ATXN1: variants seen among roughly 807,000 people sequenced by gnomAD.
The protein encoded by ATXN1 is ataxin 1.
ATXN1 carries 8 observed loss-of-function variants against 56.4 expected under a neutral mutation model. The observed-to-expected ratio is 0.14, with a 90% CI of 0.08 to 0.26. ATXN1 has a LOEUF of 0.26. Among genes scored for constraint, ATXN1 ranks in the 10% least tolerant of loss-of-function variants. The pLI, the probability that ATXN1 is intolerant of heterozygous loss-of-function variation, is 1.00. For missense variants in ATXN1, 987 were observed against 1,106.5 expected, an observed-to-expected ratio of 0.89 and a Z score of 1.53; for synonymous variants, 514 against 494.6, an observed-to-expected ratio of 1.04 and a Z score of -0.52.
intron 2 of ATXN1, among the ~76,000 whole-genome samples, chr6:16,722,542 C>T (rs1759765696): frequency 1.3e-5 from 2 of 152,290 alleles, no homozygotes; most frequent in Admixed American, 6.5e-5. Context: ...TGATTCCATA[C>T]ACTGAACCAT....
intron 4 of ATXN1, among the ~76,000 whole-genome samples, chr6:16,578,707 C>T (rs1276412325): frequency 1.3e-5 from 2 of 151,930 alleles, no homozygotes; most frequent in Non-Finnish European, 2.9e-5. Flanking sequence ...CATTTATGTG[C>T]CAGCACAGCC....
At chr6:16,492,484 G>A (rs1161556945) in intron 5 of ATXN1, among the ~76,000 whole-genome samples, 1 of 150,266 alleles carries the variant, frequency 6.7e-6, no homozygotes, top group African/African-American at 2.4e-5. Flanking sequence ...ATAAATAGGT[G>A]TTGTTTAAGT....
rs574404852 is a variant in ATXN1, at chr6:16,348,086, G to A, written c.-160-19616C>T. Among the ~76,000 whole-genome samples, 5 of 152,270 alleles carry A rather than the reference G, an allele frequency of 3.3e-5. No homozygotes were observed. In the East Asian group the frequency reaches 5.8e-4, roughly 18 times the overall value. ...CGCAAGGGTCCACGGCTTAATTCTT[G>A]AAGTCAGTGAGACCAAGAACGCACC... is the stretch of plus-strand genomic sequence containing the variant. On this transcript the variant is annotated intron_variant, in intron 6 of 7. Transcript: ENST00000436367.
chr6:16,680,196 T>C (rs1758785576), intron 2 of ATXN1, among the ~76,000 whole-genome samples: 1 of 152,188 alleles, frequency 6.6e-6, no homozygotes, highest in Non-Finnish European at 1.5e-5. Flanking sequence ...CCTGCCTCTT[T>C]GCTCTGTACT....
intron 6 of ATXN1, among the ~76,000 whole-genome samples, chr6:16,455,166 G>T (rs1759839533): frequency 6.6e-6 from 1 of 152,180 alleles, no homozygotes; most frequent in South Asian, 2.1e-4. Context: ...CAGGTAGTAA[G>T]ACTCATCTTG....
intron 6 of ATXN1, among the ~76,000 whole-genome samples, chr6:16,466,132 C>T (rs562190702): frequency 4.6e-5 from 7 of 151,838 alleles, no homozygotes; most frequent in Non-Finnish European, 7.4e-5. Context: ...CTGGCTAACA[C>T]AGTGAAACCC....
intron 4 of ATXN1, among the ~76,000 whole-genome samples, chr6:16,543,831 C>A (rs928581078): frequency 2.0e-5 from 3 of 152,100 alleles, no homozygotes; most frequent in Admixed American, 1.3e-4. Flanking sequence ...ACTAAAGATG[C>A]TATTTGTTGG....
intron 6 of ATXN1, among the ~76,000 whole-genome samples, chr6:16,386,420 A>C (rs1758241712): frequency 6.6e-6 from 1 of 152,252 alleles, no homozygotes; most frequent in South Asian, 2.1e-4. Flanking sequence ...GCAAAGGCAC[A>C]AGATTGTAAG....
intron 4 of ATXN1, among the ~76,000 whole-genome samples, chr6:16,543,744 G>T (rs1310305463): frequency 6.6e-6 from 1 of 150,958 alleles, no homozygotes; most frequent in African/African-American, 2.4e-5. Context: ...CTTCATGCTT[G>T]AGTTAAAGGC....
At chr6:16,352,948 T>C (rs1334706708) in intron 6 of ATXN1, among the ~76,000 whole-genome samples, 1 of 152,050 alleles carries the variant, frequency 6.6e-6, no homozygotes, top group Non-Finnish European at 1.5e-5. Context: ...AGCACTTCCA[T>C]CCCACCACAG....
At chr6:16,405,648 C>T (rs558635401) in intron 6 of ATXN1, among the ~76,000 whole-genome samples, 15 of 152,268 alleles carry the variant, frequency 9.9e-5, no homozygotes, top group South Asian at 6.2e-4. Context: ...CTCTGGCGGC[C>T]GAAGCATCCA....
chr6:16,354,774 G>A (rs1047760442), intron 6 of ATXN1, among the ~76,000 whole-genome samples: 2 of 152,112 alleles, frequency 1.3e-5, no homozygotes, highest in South Asian at 4.2e-4. Context: ...ATCCTCTCTG[G>A]GTTGTTCTTC....
rs1361617559 is a variant in ATXN1, at chr6:16,411,116, C to A, written c.-161+74856G>T. 4.1e-5 allele frequency among the ~76,000 whole-genome samples: 5 copies of A among 122,572 alleles called. No individual in the cohort carries two copies. The South Asian group carries it at 1.0e-3, about 25-fold the overall frequency. The allele number at this position is 122,572 out of a possible 152,430, so 80.4% of individuals were successfully genotyped here. On this transcript the variant is annotated intron_variant, in intron 6 of 7. Transcript: ENST00000436367. ...CTCCAGCCTGGGTGACAGAGTGAGA[C>A]CTCTGTGTCAAAAAAAAAAAAAAAA...
chr6:16,463,567 A>C (rs1300242875), intron 6 of ATXN1, among the ~76,000 whole-genome samples: 11 of 152,352 alleles, frequency 7.2e-5, no homozygotes, highest in Non-Finnish European at 8.8e-5. Flanking sequence ...ACTCTTTGGC[A>C]GTAGTGAATA....
intron 2 of ATXN1, among the ~76,000 whole-genome samples, chr6:16,748,419 C>T (rs1455568640): frequency 1.3e-5 from 2 of 152,120 alleles, no homozygotes; most frequent in African/African-American, 4.8e-5. Context: ...AAGGACAGGG[C>T]TTAAGGAACA....
intron 2 of ATXN1, among the ~76,000 whole-genome samples, chr6:16,707,473 T>A (rs1759431848): frequency 1.3e-5 from 2 of 152,202 alleles, no homozygotes; most frequent in Admixed American, 1.3e-4. Context: ...CTGGACTTCT[T>A]CAAGAGTACC....
chr6:16,742,921 T>C (rs571360899), intron 2 of ATXN1, among the ~76,000 whole-genome samples: 6 of 152,316 alleles, frequency 3.9e-5, no homozygotes, highest in South Asian at 2.1e-4. Context: ...CTCTTCCAGA[T>C]AAAAGTATCT....
At chr6:16,492,413 C>T (rs235152) in intron 5 of ATXN1, among the ~76,000 whole-genome samples, 129,463 of 151,778 alleles carry the variant, frequency 0.85, 56,058 homozygotes, top group East Asian at 1. Flanking sequence ...ACCCTAAAAC[C>T]TAAAGTATAA....
intron 2 of ATXN1, among the ~76,000 whole-genome samples, chr6:16,702,997 G>T (rs892257682): frequency 5.9e-5 from 9 of 151,926 alleles, no homozygotes; most frequent in African/African-American, 1.9e-4. Flanking sequence ...ACCAAAAGGA[G>T]TATAAATCAT....
Sources: allele counts gnomAD v4.1 joint callset (sites outside exome capture counted in the v4.1 genomes callset), GRCh38; gene constraint gnomAD v4.1.1; transcripts MANE v1.5; gene names NCBI Gene and HGNC (gene_info 2026-07-23, HGNC 2026-07-21).